PCDH15: variants seen among roughly 807,000 people sequenced by gnomAD.
PCDH15 encodes the protein protocadherin related 15.
Under a neutral mutation model 178.5 loss-of-function variants are expected in PCDH15, and 129 were observed. The observed-to-expected ratio is 0.72, with a 90% CI of 0.63 to 0.84. The LOEUF (loss-of-function observed/expected upper bound fraction) is 0.84. Among genes scored for constraint, PCDH15 ranks in the 40% least tolerant of loss-of-function variants. The probability of loss-of-function intolerance (pLI) is 0.00; values close to 1 mark genes in which losing one functional copy is unlikely to be tolerated. For synonymous variants in PCDH15, 800 were observed against 732.0 expected (o/e 1.09, Z -1.50); for missense variants, 2,230 against 2,099.9 (o/e 1.06, Z -1.21).
intron 1 of PCDH15, among the ~76,000 whole-genome samples, chr10:55,299,232 G>C (rs1016534319): frequency 6.6e-6 from 1 of 152,024 alleles, no homozygotes. Context: ...TCAACTCTTG[G>C]ACAGATAGAA....
chr10:55,529,210 A>G (rs796101928), intron 2 of PCDH15, among the ~76,000 whole-genome samples: 1 of 151,836 alleles, frequency 6.6e-6, no homozygotes, highest in African/African-American at 2.4e-5. Flanking sequence ...TTCTTTTGCT[A>G]TGCAGAAGCT....
intron 1 of PCDH15, among the ~76,000 whole-genome samples, chr10:54,671,558 A>G (rs554164773): frequency 6.6e-6 from 1 of 152,292 alleles, no homozygotes; most frequent in African/African-American, 2.4e-5. Context: ...TCAGTTTAAA[A>G]TTAGGACAAT....
chr10:54,853,479 T>C (rs1486912761), intron 3 of PCDH15, among the ~76,000 whole-genome samples: 3 of 116,554 alleles, frequency 2.6e-5, no homozygotes, highest in African/African-American at 9.0e-5. Context: ...ATATATATAG[T>C]ATTACAAATA....
At chr10:53,948,793 T>C (rs2086781060) in intron 23 of PCDH15, among the ~76,000 whole-genome samples, 2 of 152,228 alleles carry the variant, frequency 1.3e-5, no homozygotes. Context: ...GTTTTTAGTA[T>C]GACTCAGTAA....
At chr10:54,818,144 C>T (rs1401111735) in intron 3 of PCDH15, among the ~76,000 whole-genome samples, 1 of 151,670 alleles carries the variant, frequency 6.6e-6, no homozygotes, top group Non-Finnish European at 1.5e-5. Context: ...GTTTAAACTA[C>T]CTATTTATCA....
intron 2 of PCDH15, among the ~76,000 whole-genome samples, chr10:55,006,908 G>A (rs1430911710): frequency 2.0e-5 from 3 of 151,804 alleles, no homozygotes; most frequent in Non-Finnish European, 4.4e-5. Context: ...GCTGTAGGTG[G>A]GGCCTGGTGG....
intron 3 of PCDH15, among the ~76,000 whole-genome samples, chr10:54,857,259 A>G (rs995701105): frequency 6.6e-6 from 1 of 152,226 alleles, no homozygotes; most frequent in African/African-American, 2.4e-5. Context: ...TTGACATTAA[A>G]TGAACTCATA....
intron 32 of PCDH15, chr10:53,823,426 T>C (rs763521397): frequency 7.1e-7 from 1 of 1,408,128 alleles, no homozygotes; most frequent in Non-Finnish European, 1.0e-6. Context: ...GAGAAAGATG[T>C]TTTTATGGCT....
intron 2 of PCDH15, among the ~76,000 whole-genome samples, chr10:55,625,196 T>C (rs1219889796): frequency 2.0e-5 from 3 of 152,100 alleles, no homozygotes; most frequent in Non-Finnish European, 2.9e-5. Context: ...TAGTGCTTCC[T>C]GGTTTAAATC....
At chr10:55,334,927 C>T (rs954121628) in intron 2 of PCDH15, among the ~76,000 whole-genome samples, 3 of 152,010 alleles carry the variant, frequency 2.0e-5, no homozygotes, top group Non-Finnish European at 2.9e-5. Context: ...ATATGTAGTC[C>T]CTGTATTTTA....
chr10:55,528,522 T>C (rs374784723), intron 2 of PCDH15, among the ~76,000 whole-genome samples: 1 of 152,022 alleles, frequency 6.6e-6, no homozygotes, highest in Non-Finnish European at 1.5e-5. Context: ...TGATGGTTTC[T>C]AGCTTCATCC....
rs184041023 is a variant in PCDH15, at chr10:55,126,822, A to G, written c.-80+39754T>C. On this transcript the variant is annotated intron_variant, in intron 2 of 5. Coordinates refer to the PCDH15 transcript ENST00000458638. ...ACACAAAGGACAAACTTTGTACAAC[A>G]TGACATCCCTCTAAGTATATCTATC... 1.9e-3 allele frequency among the ~76,000 whole-genome samples: 293 copies of G among 152,108 alleles called. 1 individual carries two copies. Among genetic ancestry groups the G allele is most frequent in the African/African-American group, 6.7e-3 (280 of 41,526 alleles).
At chr10:54,902,033 G>A (rs117773659) in intron 2 of PCDH15, among the ~76,000 whole-genome samples, 3 of 151,756 alleles carry the variant, frequency 2.0e-5, no homozygotes, top group Admixed American at 1.3e-4. Context: ...TACAGGACCC[G>A]TTCTTCCAAA....
chr10:54,763,176 A>C (rs2133167850), intron 1 of PCDH15, among the ~76,000 whole-genome samples: 1 of 152,272 alleles, frequency 6.6e-6, no homozygotes, highest in East Asian at 1.9e-4. Context: ...TGGTTGGTAG[A>C]GATAAACACA....
chr10:54,611,628 C>T (rs1478334446), intron 2 of PCDH15, among the ~76,000 whole-genome samples: 5 of 151,766 alleles, frequency 3.3e-5, no homozygotes, highest in Admixed American at 6.6e-5. Context: ...GAGGCAGCTA[C>T]ATATCTAGAG....
rs2084961574 is a variant in PCDH15 at position 53,930,487 on chromosome 10, GAAAT to G, written c.3373+8324_3373+8327del. On this transcript the variant is annotated intron_variant, in intron 25 of 37. Coordinates refer to ENST00000644397, the MANE Select transcript of PCDH15 (RefSeq NM_001384140.1). ...AAAAAAAAAAAAAAAAAAAAAAAAAGAAATAGCAACGCATTCACATTTGTCTTTC... is the reference window on the plus strand; with the variant it reads ...AAAAAAAAAAAAAAAAAAAAAAAAAGAGCAACGCATTCACATTTGTCTTTC... 8.2e-5 allele frequency among the ~76,000 whole-genome samples: 6 copies of G among 73,196 alleles called. No individual in the cohort carries two copies. The South Asian group carries it at 2.8e-3, about 35-fold the overall frequency. 48.0% of individuals were successfully genotyped at this position (73,196 alleles called of 152,430 possible).
rs555052209 is a variant in PCDH15 at position 55,509,741 on chromosome 10, T to C, written c.-156+117884A>G. Among the ~76,000 whole-genome samples the C allele has an allele frequency of 3.9e-5, 6 of 152,018 alleles. No homozygotes were observed. In the South Asian group the frequency reaches 1.2e-3, roughly 31 times the overall value. Reference sequence around the variant, plus strand: ...TTTGATAAGGACTTTGGCAGCAATCTACATTTAATTTTAAACTTGCAGAAA... The same window carrying C: ...TTTGATAAGGACTTTGGCAGCAATCCACATTTAATTTTAAACTTGCAGAAA... On this transcript the variant is annotated intron_variant, in intron 2 of 5. Coordinates refer to the PCDH15 transcript ENST00000613346.
At chr10:54,150,652 T>G (rs113372132) in intron 14 of PCDH15, among the ~76,000 whole-genome samples, 2,333 of 151,722 alleles carry the variant, frequency 0.015, 72 homozygotes, top group African/African-American at 0.054. Context: ...TATGTCTTTA[T>G]TTTTGTTGTT....
intron 8 of PCDH15, among the ~76,000 whole-genome samples, chr10:54,315,108 G>T (rs1460099991): frequency 1.3e-5 from 2 of 152,088 alleles, no homozygotes; most frequent in Non-Finnish European, 2.9e-5. Context: ...TTGAGAAATT[G>T]CCACATGGCT....
Sources: allele counts gnomAD v4.1 joint callset (sites outside exome capture counted in the v4.1 genomes callset), GRCh38; gene constraint gnomAD v4.1.1; transcripts MANE v1.5; gene names NCBI Gene and HGNC (gene_info 2026-07-23, HGNC 2026-07-21).